Variants in KIF13A observed in about 807,000 individuals in gnomAD.
KIF13A encodes kinesin family member 13A.
Under a neutral mutation model 212.2 loss-of-function variants are expected in KIF13A, and 79 were observed. The ratio of observed to expected loss-of-function variants is 0.37; its 90% CI spans 0.31 to 0.45. The LOEUF is 0.45. KIF13A is among the 20% of genes least tolerant of loss of function. The probability of loss-of-function intolerance (pLI) is 1.00; values close to 1 mark genes in which losing one functional copy is unlikely to be tolerated. For missense variants in KIF13A, 1,901 were observed against 2,209.0 expected, an observed-to-expected ratio of 0.86 and a Z score of 2.79; for synonymous variants, 789 against 808.6, an observed-to-expected ratio of 0.98 and a Z score of 0.41.
chr6:17,854,819 C>T (rs539954379), intron 6 of KIF13A, among the ~76,000 whole-genome samples: 2 of 152,060 alleles, frequency 1.3e-5, no homozygotes, highest in Non-Finnish European at 1.5e-5. Context: ...TCCCAAAGTG[C>T]TGGGATTACA....
intron 2 of KIF13A, among the ~76,000 whole-genome samples, chr6:17,930,180 T>A (rs1177712032): frequency 6.6e-6 from 1 of 152,116 alleles, no homozygotes; most frequent in African/African-American, 2.4e-5. Context: ...ACATTACCCC[T>A]TTCCTGGAAA....
rs1165576927 is a variant in KIF13A, at chr6:17,967,920, C to A, written c.146+19134G>T. On this transcript the variant is annotated intron_variant, in intron 2 of 38. Coordinates refer to ENST00000259711, the MANE Select transcript of KIF13A (RefSeq NM_022113.6). The surrounding 1 kb of genome is among the most constrained non-coding windows in gnomAD (Gnocchi z 4.1). ...CTTAATAAATGCTTAATAAAGCCTG[C>A]AAATGGCTTATTTAAAAATATAAAT... Among the ~76,000 whole-genome samples, 5 of 152,160 alleles carry A rather than the reference C, an allele frequency of 3.3e-5. No homozygotes were observed. The highest frequency in any genetic ancestry group is 9.7e-5 in the African/African-American group (4 of 41,428).
chr6:17,813,646 G>A lies in KIF13A; in HGVS notation c.2000+3374C>T, dbSNP rs183045424. ...TTGCGAGCCTTGCGCTGCAGGGCAG[G>A]GTTCCCTTTTCTCCTCTTGGGAGTC... is the stretch of plus-strand genomic sequence containing the variant. On this transcript the variant is annotated intron_variant, in intron 17 of 38. Transcript: ENST00000259711. Among the ~76,000 whole-genome samples the A allele has an allele frequency of 2.0e-5, 3 of 152,074 alleles. No homozygotes were observed. In the East Asian group the frequency reaches 5.8e-4, roughly 29 times the overall value.
At position 17,855,246 on chromosome 6, in the gene KIF13A, T is replaced by C. The variant is rs1417540007; in HGVS notation, c.494+191A>G. On this transcript the variant is annotated intron_variant, in intron 6 of 38. Coordinates refer to ENST00000259711, the MANE Select transcript of KIF13A (RefSeq NM_022113.6). This position sits in a 1 kb window ranked among gnomAD's most constrained non-coding sequence, Gnocchi z 4.1. Reference sequence around the variant, plus strand: ...TTCAAAGGGCATACATAGGCAACTTTATACATTAATGTAGGATAAACACTG... The same window carrying C: ...TTCAAAGGGCATACATAGGCAACTTCATACATTAATGTAGGATAAACACTG... Among the ~76,000 whole-genome samples, 1 of 152,270 alleles carries C rather than the reference T, an allele frequency of 6.6e-6. No homozygotes were observed.
At chr6:17,874,995 ACACG>A (rs58428128) in intron 3 of KIF13A, among the ~76,000 whole-genome samples, 20,058 of 127,362 alleles carry the variant, frequency 0.16, 1,942 homozygotes, top group South Asian at 0.24. Context: ...ACACACACGC[ACACG>A]CACGCACACA....
At position 17,918,026 on chromosome 6, in the gene KIF13A, C is replaced by T. The variant is rs1199856970; in HGVS notation, c.147-19846G>A. Among the ~76,000 whole-genome samples, 1 of 152,008 alleles carries T rather than the reference C, an allele frequency of 6.6e-6. No homozygotes were observed. The highest frequency in any genetic ancestry group is 1.5e-5 in the Non-Finnish European group (1 of 68,014). On this transcript the variant is annotated intron_variant, in intron 2 of 38. Transcript: ENST00000259711. The surrounding 1 kb of genome is among the most constrained non-coding windows in gnomAD (Gnocchi z 4.8). ...ACCTTCCTGTCCTGGAATTCTGTTT[C>T]CTCGTGGCACCTGTTGCACTTTCTC...
intron 9 of KIF13A, among the ~76,000 whole-genome samples, chr6:17,847,109 T>A (rs1767141786): frequency 6.6e-6 from 1 of 151,656 alleles, no homozygotes; most frequent in African/African-American, 2.4e-5. Flanking sequence ...ATTCCACATC[T>A]ACGCCAGTCA....
rs1924466 is a variant in KIF13A, at chr6:17,772,533, C to T, written c.4325-474G>A. Among the ~76,000 whole-genome samples the T allele has an allele frequency of 2.0e-5, 3 of 152,084 alleles. No individual in the cohort carries two copies. Among genetic ancestry groups the T allele is most frequent in the Admixed American group, 1.3e-4 (2 of 15,286 alleles). On this transcript the variant is annotated intron_variant, in intron 36 of 38. Coordinates refer to ENST00000259711, the MANE Select transcript of KIF13A (RefSeq NM_022113.6). This position sits in a 1 kb window ranked among gnomAD's most constrained non-coding sequence, Gnocchi z 4.8. ...TCTGTGATGTCACAAAGAGTTACTACAGTGCTAGTCTGTGTGAACAAAGTG... is the reference window on the plus strand; with the variant it reads ...TCTGTGATGTCACAAAGAGTTACTATAGTGCTAGTCTGTGTGAACAAAGTG...
At chr6:17,780,610 C>A in intron 31 of KIF13A, 120 bp downstream of exon 31, 1 of 874,286 alleles carries the variant, frequency 1.1e-6, no homozygotes, top group Non-Finnish European at 1.8e-6. Flanking sequence ...CAGACTATAA[C>A]TTGGCCAGGA....
intron 25 of KIF13A, among the ~76,000 whole-genome samples, chr6:17,792,315 C>T (rs1320050342): frequency 1.3e-5 from 2 of 151,682 alleles, no homozygotes; most frequent in African/African-American, 4.9e-5. Context: ...TTGGAGCACA[C>T]AGCCGATGTT....
intron 2 of KIF13A, among the ~76,000 whole-genome samples, chr6:17,979,393 G>A (rs1007062237): frequency 2.0e-5 from 3 of 152,126 alleles, no homozygotes; most frequent in Admixed American, 6.5e-5. Flanking sequence ...AGCATTCATC[G>A]ATGTTCTTAA....
intron 4 of KIF13A, among the ~76,000 whole-genome samples, chr6:17,863,369 TTTC>T (rs1302779974): frequency 4.0e-5 from 6 of 148,740 alleles, no homozygotes; most frequent in East Asian, 1.9e-4. Flanking sequence ...AGAAAAATAC[TTTC>T]TTTTTTTTTT....
At position 17,777,245 on chromosome 6, in the gene KIF13A, A is replaced by G. The variant is rs1193455144; in HGVS notation, c.4170+32T>C. On this transcript the variant is annotated intron_variant, in intron 34 of 38. Coordinates refer to ENST00000259711, the MANE Select transcript of KIF13A (RefSeq NM_022113.6). The surrounding 1 kb of genome is among the most constrained non-coding windows in gnomAD (Gnocchi z 4.4). ...CACCCCAGAGGCTGCGACATGTCAC[A>G]TAGGAGCAGATCCTTGGCAGGATGC... 3.8e-6 allele frequency: 6 copies of G among 1,562,526 alleles called. No homozygotes were observed. Among genetic ancestry groups the G allele is most frequent in the Non-Finnish European group, 5.3e-6 (6 of 1,139,064 alleles).
In KIF13A at chr6:17,968,788, A is replaced by C. The variant is rs1203343570; in HGVS notation, c.146+18266T>G. On this transcript the variant is annotated intron_variant, in intron 2 of 38. Transcript: ENST00000259711. This position sits in a 1 kb window ranked among gnomAD's most constrained non-coding sequence, Gnocchi z 4.7. ...TACTGCCATTACCCCCAAAAGCCAC[A>C]TGACAGCACAAAGGCTATCATTATG... Among the ~76,000 whole-genome samples, 1 of 152,168 alleles carries C rather than the reference A, an allele frequency of 6.6e-6. No homozygotes were observed. Among genetic ancestry groups the C allele is most frequent in the Non-Finnish European group, 1.5e-5 (1 of 68,022 alleles).
intron 4 of KIF13A, among the ~76,000 whole-genome samples, chr6:17,867,561 A>T (rs1261986295): frequency 6.6e-6 from 1 of 152,190 alleles, no homozygotes; most frequent in Non-Finnish European, 1.5e-5. Flanking sequence ...AAGATTTATA[A>T]TAAGGAGGTG....
Position 17,828,380 on chromosome 6 carries a change from G to GATA in KIF13A, c.1402-11_1402-10insTAT. 2.5e-6 allele frequency: 4 copies of GATA among 1,597,670 alleles called. No homozygotes were observed. The highest frequency in any genetic ancestry group is 3.4e-6 in the Non-Finnish European group (4 of 1,174,056). On this transcript the variant is annotated splice_polypyrimidine_tract_variant and intron_variant, in intron 13 of 38. Coordinates refer to ENST00000259711, the MANE Select transcript of KIF13A (RefSeq NM_022113.6). This position sits in a 1 kb window ranked among gnomAD's most constrained non-coding sequence, Gnocchi z 4.3. ...CCACCCTGGTGTGATCCTAGTAAAA[G>GATA]ATTATTAAGGAAAGAAAAACCCACA...
At chr6:17,945,500 A>T (rs1465212477) in intron 2 of KIF13A, among the ~76,000 whole-genome samples, 3 of 152,216 alleles carry the variant, frequency 2.0e-5, no homozygotes, top group Non-Finnish European at 4.4e-5. Flanking sequence ...CAATTAAAAA[A>T]ATTAAAATAC....
At chr6:17,793,502 T>C (rs1250227152) in intron 25 of KIF13A, among the ~76,000 whole-genome samples, 1 of 152,208 alleles carries the variant, frequency 6.6e-6, no homozygotes, top group African/African-American at 2.4e-5. Context: ...TGAGAATGTT[T>C]AGAAAATGAA....
intron 2 of KIF13A, among the ~76,000 whole-genome samples, chr6:17,975,147 C>T (rs575408192): frequency 1.4e-4 from 21 of 152,204 alleles, no homozygotes; most frequent in African/African-American, 1.4e-4. Flanking sequence ...AGTTTAAGGC[C>T]AGCCTGGCCA....
Sources: gnomAD v4.1 joint callset for allele counts (sites outside exome capture counted in the v4.1 genomes callset) on GRCh38, gnomAD v4.1.1 for gene constraint, Gnocchi (gnomAD v3.1) non-coding constraint, MANE v1.5 for transcripts, NCBI Gene and HGNC (gene_info 2026-07-23, HGNC 2026-07-21) for gene names.